PAQR3: variants seen among roughly 807,000 people sequenced by gnomAD.
PAQR3 encodes the protein progestin and adipoQ receptor family member 3, also known as Raf kinase trapping to Golgi.
A neutral mutation model predicts 41.7 loss-of-function variants in PAQR3; 39 were observed. That is an observed-to-expected ratio of 0.93 (90% CI 0.72 to 1.22). The LOEUF (loss-of-function observed/expected upper bound fraction) is 1.22, where lower values mean the gene tolerates loss of function less well. Ranked by LOEUF, PAQR3 falls within the 50% of genes most tolerant of loss-of-function variation. PAQR3 has a pLI of 0.00. For synonymous variants in PAQR3, 140 were observed against 140.6 expected, an observed-to-expected ratio of 1.00 and a Z score of 0.03; for missense variants, 366 against 385.6, an observed-to-expected ratio of 0.95 and a Z score of 0.42.
downstream of PAQR3, among the ~76,000 whole-genome samples, chr4:78,910,414 A>G (rs1734524570): frequency 6.6e-6 from 1 of 152,216 alleles, no homozygotes; most frequent in Non-Finnish European, 1.5e-5. Flanking sequence ...GTCTGTCTAC[A>G]TTAAGACTTA....
chr4:78,924,066 C>A (rs1735944265), intron 4 of PAQR3, 119 bp from the exon 5 acceptor site: 6 of 747,796 alleles, frequency 8.0e-6, no homozygotes, highest in Non-Finnish European at 1.3e-5. Context: ...CAGACTGTCT[C>A]CAATAATAGA....
rs950175470 is a variant in PAQR3, at chr4:78,926,628, A to C, written c.595T>G (p.Trp199Gly). Residue 199 changes from tryptophan to glycine, a missense_variant, in exon 4 of 6, where the codon TGG becomes GGG. Transcript: ENST00000512733. ...AAGATGATAGAACGGAGCCTTTGCCATTGCTGCGTGAGGTAATTGGGATGA... is the reference window on the plus strand; with the variant it reads ...AAGATGATAGAACGGAGCCTTTGCCCTTGCTGCGTGAGGTAATTGGGATGA... The part of the protein sequence containing the change: ...QIHPNYLTQQ[W>G]QRLRSIIFCS... 2.5e-6 allele frequency: 4 copies of C among 1,613,976 alleles called. No homozygotes were observed. Among genetic ancestry groups the C allele is most frequent in the Non-Finnish European group, 3.4e-6 (4 of 1,179,842 alleles).
intron 11 of PAQR3, among the ~76,000 whole-genome samples, chr4:78,890,369 TAC>T (rs1270243800): frequency 3.3e-5 from 5 of 151,224 alleles, no homozygotes; most frequent in South Asian, 2.1e-4. Context: ...TTAGATATTT[TAC>T]AGTTTGTCCG....
chr4:78,898,328 T>A (rs748290304), intron 11 of PAQR3, among the ~76,000 whole-genome samples: 12 of 152,062 alleles, frequency 7.9e-5, no homozygotes, highest in Non-Finnish European at 1.6e-4. Context: ...TTACAGATTG[T>A]CAGTCCACTG....
At chr4:78,938,866 C>T (rs1737721134) in intron 1 of PAQR3, among the ~76,000 whole-genome samples, 174 bp downstream of exon 1, 1 of 151,358 alleles carries the variant, frequency 6.6e-6, no homozygotes, top group Admixed American at 6.6e-5. Flanking sequence ...CCAAGTACCC[C>T]GGCCAGGTAA....
downstream of PAQR3, among the ~76,000 whole-genome samples, chr4:78,909,055 CT>C (rs1053664659): frequency 0.067 from 6,289 of 94,394 alleles, 69 homozygotes; most frequent in African/African-American, 0.16. Context: ...TTCCCTTAGT[CT>C]TTTTTTTTTT....
chr4:78,919,943 C>G lies in PAQR3; in HGVS notation c.*596G>C, dbSNP rs1735493414. 1 of 985,058 alleles carries G rather than the reference C, an allele frequency of 1.0e-6. No individual in the cohort carries two copies. The highest frequency in any genetic ancestry group is 1.2e-6 in the Non-Finnish European group (1 of 829,462). The allele number at this position is 985,058 out of a possible 1,614,324, so 61.0% of individuals were successfully genotyped here. On this transcript the variant is annotated 3_prime_UTR_variant, in exon 6 of 6. Transcript: ENST00000512733. ...CTCAACTTACTGCAGAAGTTTAAAG[C>G]TTTTGTTCTGGAAAACTAAAATATC...
chr4:78,923,990 A>C, intron 4 of PAQR3, 43 bp from the exon 5 acceptor site: 3 of 1,351,294 alleles, frequency 2.2e-6, no homozygotes, highest in Non-Finnish European at 3.2e-6. Context: ...TCCTACTGTT[A>C]CTGAACTCTA....
intron 11 of PAQR3, among the ~76,000 whole-genome samples, chr4:78,891,144 T>C (rs1733416445): frequency 1.3e-5 from 2 of 152,212 alleles, no homozygotes; most frequent in Admixed American, 1.3e-4. Flanking sequence ...GATATAATTT[T>C]CCCTGTGAGT....
At chr4:78,904,252 A>T (rs922626041) in intron 11 of PAQR3, among the ~76,000 whole-genome samples, 4 of 151,914 alleles carry the variant, frequency 2.6e-5, no homozygotes, top group African/African-American at 4.8e-5. Flanking sequence ...TCTAAGAAAG[A>T]TCATAGTAAA....
At chr4:78,935,646 CTA>C (rs779546886) in intron 1 of PAQR3, among the ~76,000 whole-genome samples, 1 of 152,160 alleles carries the variant, frequency 6.6e-6, no homozygotes, top group Non-Finnish European at 1.5e-5. Context: ...TCAGATTAGT[CTA>C]TAGACTAAAG....
rs771667282 is a variant in PAQR3 at position 78,939,171 on chromosome 4, C to G, written c.54G>C (p.Gln18His). 2.3e-5 allele frequency: 37 copies of G among 1,612,734 alleles called. No homozygotes were observed. The highest frequency in any genetic ancestry group is 3.1e-5 in the Non-Finnish European group (36 of 1,179,464). The change falls in exon 1 of 6, where the codon CAG (glutamine) becomes CAC (histidine). Residue 18 changes from glutamine to histidine, a missense_variant. Gln to His is a conservative substitution (Grantham distance 24, BLOSUM62 0). Coordinates refer to ENST00000512733, the MANE Select transcript of PAQR3 (RefSeq NM_001040202.2). ...CACGGGGCACCAGGACCGGCCAGTACTGGTAGCTGCCCAGCTCGATGTAAT... is the reference window on the plus strand; with the variant it reads ...CACGGGGCACCAGGACCGGCCAGTAGTGGTAGCTGCCCAGCTCGATGTAAT... The part of the protein sequence containing the change: ...SAHYIELGSY[Q>H]YWPVLVPRGI...
chr4:78,894,167 G>A (rs749617666), intron 11 of PAQR3, among the ~76,000 whole-genome samples: 5 of 152,138 alleles, frequency 3.3e-5, no homozygotes. Flanking sequence ...TAAGGGCCTC[G>A]AAGTTTTGGA....
chr4:78,930,906 A>G (rs1181932869), intron 2 of PAQR3, among the ~76,000 whole-genome samples: 1 of 151,158 alleles, frequency 6.6e-6, no homozygotes, highest in African/African-American at 2.4e-5. Context: ...ATATATATAT[A>G]CACACACATT....
At chr4:78,901,266 G>C (rs996707043) in intron 11 of PAQR3, among the ~76,000 whole-genome samples, 29 of 143,826 alleles carry the variant, frequency 2.0e-4, no homozygotes, top group African/African-American at 8.0e-4. Context: ...TTACTATGTT[G>C]CCTAGGCTTG....
chr4:78,912,300 G>A lies in PAQR3; in HGVS notation c.*8239C>T, dbSNP rs1734682231. 5.6e-6 allele frequency: 2 copies of A among 357,644 alleles called. No individual in the cohort carries two copies. The highest frequency in any genetic ancestry group is 8.6e-5 in the Admixed American group (2 of 23,306). 22.2% of individuals were successfully genotyped at this position (357,644 alleles called of 1,614,324 possible). On this transcript the variant is annotated 3_prime_UTR_variant, in exon 6 of 6. Coordinates refer to ENST00000512733, the MANE Select transcript of PAQR3 (RefSeq NM_001040202.2). ...ATCACAACACAGAAATGCAAGTGTG[G>A]TACTTCCAGTGAAAGCACATGGCAC...
chr4:78,918,966 A>G lies in PAQR3; in HGVS notation c.*1573T>C. 1 of 985,120 alleles carries G rather than the reference A, an allele frequency of 1.0e-6. No homozygotes were observed. Among genetic ancestry groups the G allele is most frequent in the Non-Finnish European group, 1.2e-6 (1 of 829,740 alleles). The allele number at this position is 985,120 out of a possible 1,614,324, so 61.0% of individuals were successfully genotyped here. A position where few individuals can be genotyped will look rare whatever the true frequency, so the allele number is the denominator to read the frequency against. ...TATAAGGTAAAACAGCCATTTTCAA[A>G]GCAGCCTTCCATCATAACGATGGGT... On this transcript the variant is annotated 3_prime_UTR_variant, in exon 6 of 6. Coordinates refer to ENST00000512733, the MANE Select transcript of PAQR3 (RefSeq NM_001040202.2).
downstream of PAQR3, chr4:78,911,716 A>T (rs116710382): frequency 8.2e-3 from 13,166 of 1,613,812 alleles, 95 homozygotes; most frequent in Non-Finnish European, 9.7e-3. Context: ...AGATAGGGGG[A>T]ATGTCTTACA....
chr4:78,929,034 C>T (rs1003324751), intron 3 of PAQR3, among the ~76,000 whole-genome samples: 2 of 152,186 alleles, frequency 1.3e-5, no homozygotes, highest in Non-Finnish European at 2.9e-5. Flanking sequence ...CAGGTGGTAA[C>T]GCGAGCCATG....
Sources: allele counts gnomAD v4.1 joint callset (sites outside exome capture counted in the v4.1 genomes callset), GRCh38; gene constraint gnomAD v4.1.1; transcripts MANE v1.5; gene names NCBI Gene and HGNC (gene_info 2026-07-23, HGNC 2026-07-21).